DYTN: variants seen among roughly 807,000 people sequenced by gnomAD.
The protein encoded by DYTN is dystrotelin.
DYTN carries 75 observed loss-of-function variants against 69.6 expected under a neutral mutation model. That is an observed-to-expected ratio of 1.08 (90% CI 0.89 to 1.31). The LOEUF (loss-of-function observed/expected upper bound fraction) is 1.31, where lower values mean the gene tolerates loss of function less well. Among genes scored for constraint, DYTN ranks in the 50% most tolerant of loss-of-function variants. The probability of loss-of-function intolerance (pLI) is 0.00; values close to 1 mark genes in which losing one functional copy is unlikely to be tolerated. For missense variants in DYTN, 726 were observed against 688.4 expected (o/e 1.05, Z -0.61); for synonymous variants, 252 against 249.1 (o/e 1.01, Z -0.11).
At chr2:206,717,308 G>C (rs1700139135) in intron 1 of DYTN, among the ~76,000 whole-genome samples, 1 of 152,224 alleles carries the variant, frequency 6.6e-6, no homozygotes, top group Non-Finnish European at 1.5e-5. Flanking sequence ...TCTTTCAAAT[G>C]TCCATCATCT....
intron 7 of DYTN, among the ~76,000 whole-genome samples, chr2:206,699,419 AC>A (rs1699952929): frequency 6.6e-6 from 1 of 152,150 alleles, no homozygotes; most frequent in African/African-American, 2.4e-5. Context: ...GGTGACAGAG[AC>A]CCTGTCTCTA....
intron 1 of DYTN, among the ~76,000 whole-genome samples, 187 bp downstream of exon 1, chr2:206,718,074 C>T (rs1430273018): frequency 6.6e-6 from 1 of 152,162 alleles, no homozygotes; most frequent in African/African-American, 2.4e-5. Flanking sequence ...ACCAGATACT[C>T]TTCAGTACAT....
intron 7 of DYTN, among the ~76,000 whole-genome samples, chr2:206,695,890 G>A (rs1026081861): frequency 6.6e-6 from 1 of 152,094 alleles, no homozygotes; most frequent in Non-Finnish European, 1.5e-5. Context: ...TTTCCTTCAC[G>A]TATACCACTT....
chr2:206,699,637 AG>A, intron 7 of DYTN, 89 bp downstream of exon 7: 1 of 1,443,312 alleles, frequency 6.9e-7, no homozygotes, highest in Non-Finnish European at 9.2e-7. Flanking sequence ...ATGTGTAAGG[AG>A]GACCCCAAAA....
intron 11 of DYTN, among the ~76,000 whole-genome samples, chr2:206,660,613 A>G (rs1200773663): frequency 6.6e-6 from 1 of 152,212 alleles, no homozygotes; most frequent in Non-Finnish European, 1.5e-5. Flanking sequence ...CGCTTTGAAT[A>G]CTCATCATGA....
chr2:206,707,618 C>T, intron 2 of DYTN, 115 bp from the exon 3 acceptor site: 3 of 974,304 alleles, frequency 3.1e-6, no homozygotes, highest in Non-Finnish European at 4.5e-6. Flanking sequence ...TCGCTATTTT[C>T]TTTTAAGGGG....
At chr2:206,672,136 C>G (rs922660801) in intron 9 of DYTN, among the ~76,000 whole-genome samples, 1 of 152,130 alleles carries the variant, frequency 6.6e-6, no homozygotes, top group African/African-American at 2.4e-5. Flanking sequence ...GGGACTGGAC[C>G]TGGGTTGAGA....
chr2:206,711,466 T>G (rs1483046188), intron 1 of DYTN, among the ~76,000 whole-genome samples: 1 of 152,214 alleles, frequency 6.6e-6, no homozygotes, highest in African/African-American at 2.4e-5. Flanking sequence ...TAAATGGGAA[T>G]TATAACACAT....
chr2:206,655,288 C>T (rs1215512022), intron 11 of DYTN, among the ~76,000 whole-genome samples: 1 of 150,480 alleles, frequency 6.6e-6, no homozygotes, highest in Non-Finnish European at 1.5e-5. Flanking sequence ...CTCTGTTGCC[C>T]AGGCTGGAGC....
intron 9 of DYTN, among the ~76,000 whole-genome samples, chr2:206,673,579 C>CCTAAGAT (rs72442398): frequency 0.14 from 21,002 of 151,974 alleles, 2,391 homozygotes; most frequent in African/African-American, 0.31. Context: ...TTTAAAATAA[C>CCTAAGAT]CTAAGATCTT....
chr2:206,715,544 G>C (rs1255488123), intron 1 of DYTN, among the ~76,000 whole-genome samples: 16 of 152,204 alleles, frequency 1.1e-4, no homozygotes, highest in Admixed American at 9.8e-4. Flanking sequence ...TTTGGGAGAA[G>C]AGATGTTCAC....
chr2:206,696,698 C>A (rs903865491), intron 7 of DYTN, among the ~76,000 whole-genome samples: 4 of 152,168 alleles, frequency 2.6e-5, no homozygotes, highest in African/African-American at 9.7e-5. Flanking sequence ...AGGTTACTAT[C>A]TGAACTGATG....
intron 11 of DYTN, among the ~76,000 whole-genome samples, chr2:206,659,338 A>T (rs889776956): frequency 1.3e-5 from 2 of 150,322 alleles, no homozygotes; most frequent in Non-Finnish European, 3.0e-5. Flanking sequence ...CGCCCGGCTA[A>T]TTTTTTTTGT....
chr2:206,706,095 T>C (rs1303628036), intron 3 of DYTN, among the ~76,000 whole-genome samples: 1 of 152,184 alleles, frequency 6.6e-6, no homozygotes, highest in Non-Finnish European at 1.5e-5. Context: ...CTCCAAAATA[T>C]GTATTGGATG....
Position 206,675,115 on chromosome 2 carries a change from A to ATGTG in DYTN, c.981-9090_981-9087dup, listed in dbSNP as rs757679127. On this transcript the variant is annotated intron_variant, in intron 9 of 11. Coordinates refer to ENST00000452335, the MANE Select transcript of DYTN (RefSeq NM_001093730.1). The stretch of plus-strand genomic sequence containing the variant: ...TGGAGGGGAAAAAACATATATATAT[A>ATGTG]TGTGTGTGTGTGTGTGTGTGTGTGT... Among the ~76,000 whole-genome samples, 903 of 131,498 alleles carry ATGTG rather than the reference A, an allele frequency of 6.9e-3. 2 individuals carry two copies. Among genetic ancestry groups the ATGTG allele is most frequent in the Admixed American group, 0.012 (146 of 12,440 alleles). The allele number at this position is 131,498 out of a possible 152,430, so 86.3% of individuals were successfully genotyped here.
chr2:206,671,624 G>A (rs1699630933), intron 9 of DYTN, among the ~76,000 whole-genome samples: 1 of 152,170 alleles, frequency 6.6e-6, no homozygotes, highest in Non-Finnish European at 1.5e-5. Flanking sequence ...GATAGAGTAG[G>A]AAAAGTGTAT....
intron 7 of DYTN, among the ~76,000 whole-genome samples, chr2:206,695,938 C>T (rs1256962098): frequency 1.3e-5 from 2 of 152,190 alleles, no homozygotes; most frequent in Non-Finnish European, 2.9e-5. Context: ...CAACACCTCT[C>T]TTAAGGTTAC....
intron 11 of DYTN, among the ~76,000 whole-genome samples, chr2:206,662,670 C>T (rs1047607474): frequency 6.6e-6 from 1 of 151,084 alleles, no homozygotes; most frequent in Non-Finnish European, 1.5e-5. Context: ...TCACTATATG[C>T]CAGGTTCTAT....
At chr2:206,700,277 C>G in intron 5 of DYTN, 61 bp from the exon 6 acceptor site, 4 of 1,594,320 alleles carry the variant, frequency 2.5e-6, no homozygotes, top group Non-Finnish European at 3.4e-6. Context: ...TCTCCGGGAG[C>G]AGCAGGGCTG....
Sources: allele counts gnomAD v4.1 joint callset (sites outside exome capture counted in the v4.1 genomes callset), GRCh38; gene constraint gnomAD v4.1.1; transcripts MANE v1.5; gene names NCBI Gene and HGNC (gene_info 2026-07-23, HGNC 2026-07-21).